FRMPD4: variants seen among roughly 807,000 people sequenced by gnomAD.
FRMPD4 encodes the protein FERM and PDZ domain containing 4, also known as FERM and PDZ domain-containing protein 4.
FRMPD4 carries 22 observed loss-of-function variants against 94.1 expected under a neutral mutation model. The ratio of observed to expected loss-of-function variants is 0.23; its 90% confidence interval spans 0.17 to 0.33. The LOEUF (loss-of-function observed/expected upper bound fraction) is 0.33. Ranked by LOEUF, FRMPD4 falls within the 10% of genes least tolerant of loss-of-function variation. The pLI, the probability that FRMPD4 is intolerant of heterozygous loss-of-function variation, is 1.00. For synonymous variants in FRMPD4, 631 were observed against 548.6 expected, an observed-to-expected ratio of 1.15 and a Z score of -2.10; for missense variants, 1,111 against 1,339.9, an observed-to-expected ratio of 0.83 and a Z score of 2.67.
intron 1 of FRMPD4, among the ~76,000 whole-genome samples, chrX:11,832,732 C>G (rs766771016): frequency 9.0e-6 from 1 of 111,665 alleles, no homozygotes; most frequent in Admixed American, 9.5e-5. Context: ...GTGGAAAGTA[C>G]AGAGTTCTCA....
At chrX:11,966,713 T>C (rs2054311677) in intron 3 of FRMPD4, among the ~76,000 whole-genome samples, 1 of 112,135 alleles carries the variant, frequency 8.9e-6, no homozygotes, top group African/African-American at 3.2e-5. Flanking sequence ...AAGTTGAATA[T>C]CATTTTCTTC....
intron 3 of FRMPD4, among the ~76,000 whole-genome samples, chrX:11,979,458 A>G (rs1342622817): frequency 8.9e-6 from 1 of 112,168 alleles, no homozygotes; most frequent in African/African-American, 3.2e-5. Flanking sequence ...TAACTAATTA[A>G]TGCCAAGTAG....
chrX:11,957,724 T>G (rs2054264371), intron 3 of FRMPD4, among the ~76,000 whole-genome samples: 1 of 111,777 alleles, frequency 8.9e-6, no homozygotes, highest in African/African-American at 3.3e-5. Flanking sequence ...ATTTTACAAC[T>G]CTACTATTTG....
At chrX:11,970,553 G>T (rs138140003) in intron 3 of FRMPD4, among the ~76,000 whole-genome samples, 2 of 111,823 alleles carry the variant, frequency 1.8e-5, no homozygotes, top group Non-Finnish European at 3.8e-5. Context: ...AATGCTCTAA[G>T]ACCAAGTGAG....
At chrX:12,098,477 G>T (rs955053445) in intron 3 of FRMPD4, among the ~76,000 whole-genome samples, 1 of 112,268 alleles carries the variant, frequency 8.9e-6, no homozygotes, top group African/African-American at 3.2e-5. Flanking sequence ...TGGCCTCGTG[G>T]TCAAATAAAG....
chrX:11,881,433 A>G (rs772967713), intron 3 of FRMPD4, among the ~76,000 whole-genome samples: 1 of 112,642 alleles, frequency 8.9e-6, no homozygotes, highest in Non-Finnish European at 1.9e-5. Flanking sequence ...TAAACAAACT[A>G]TGTTAAATCC....
chrX:12,231,029 A>ATATATATATATAAAATATATATATAT (rs1569199737), intron 1 of FRMPD4, among the ~76,000 whole-genome samples: 3 of 40,675 alleles, frequency 7.4e-5, no homozygotes, highest in African/African-American at 2.8e-4. Context: ...GTATATATAT[A>ATATATATATATAAAATATATATATAT]GTATATATAT....
intron 11 of FRMPD4, among the ~76,000 whole-genome samples, chrX:12,706,135 A>C (rs1003179608): frequency 9.1e-6 from 1 of 109,887 alleles, no homozygotes; most frequent in Non-Finnish European, 1.9e-5. Context: ...GGGATCCTAC[A>C]TTTTTAAGTC....
At chrX:11,950,639 C>T (rs1367563247) in intron 3 of FRMPD4, among the ~76,000 whole-genome samples, 1 of 111,793 alleles carries the variant, frequency 8.9e-6, no homozygotes, top group Non-Finnish European at 1.9e-5. Context: ...GCCATAAATT[C>T]ACCCTTTTAA....
intron 3 of FRMPD4, among the ~76,000 whole-genome samples, chrX:12,074,841 T>C (rs1949936): frequency 0.15 from 17,206 of 111,827 alleles, 1,440 homozygotes; most frequent in African/African-American, 0.31. Flanking sequence ...CTTAAAACAA[T>C]GTTCAGAGAT....
rs182495948 is a variant in FRMPD4, at chrX:12,596,746, C to T, written c.159-12975C>T. Among the ~76,000 whole-genome samples, 10 of 111,284 alleles carry T rather than the reference C, an allele frequency of 9.0e-5. No homozygotes were observed. In the East Asian group the frequency reaches 2.8e-3, roughly 31 times the overall value. ...TCAGGGTTGAGAATACAAACTTTAGCTTACTGCTACATAGTTTTCCAATGT... is the reference window on the plus strand; with the variant it reads ...TCAGGGTTGAGAATACAAACTTTAGTTTACTGCTACATAGTTTTCCAATGT... On this transcript the variant is annotated intron_variant, in intron 2 of 16. Coordinates refer to ENST00000675598, the MANE Select transcript of FRMPD4 (RefSeq NM_001368397.1).
chrX:11,946,478 G>A (rs747292335), intron 3 of FRMPD4, among the ~76,000 whole-genome samples: 24 of 111,289 alleles, frequency 2.2e-4, no homozygotes, highest in South Asian at 3.8e-4. Context: ...TTTAAGAGAC[G>A]GTTTGCACTT....
intron 3 of FRMPD4, among the ~76,000 whole-genome samples, chrX:12,062,746 T>C (rs1227595562): frequency 8.9e-6 from 1 of 111,863 alleles, no homozygotes; most frequent in Non-Finnish European, 1.9e-5. Context: ...TGGTTATTGG[T>C]GGTTATAGGG....
intron 3 of FRMPD4, among the ~76,000 whole-genome samples, chrX:12,096,572 C>A (rs1174639338): frequency 5.4e-5 from 6 of 111,985 alleles, no homozygotes; most frequent in Non-Finnish European, 1.9e-5. Flanking sequence ...AATTTTCCCT[C>A]CAGCTTGATC....
Position 12,716,308 on chromosome X carries a change from C to T in FRMPD4, c.1849C>T (p.Pro617Ser). The T allele has an allele frequency of 1.7e-6, 2 of 1,210,880 alleles. No homozygotes were observed. The highest frequency in any genetic ancestry group is 2.2e-6 in the Non-Finnish European group (2 of 894,678). ...GCAGCTGAGCCAGCCCGGGGAGGCC[C>T]CCTGTGAGGCAGACTACAGAAGTCT... Reference protein sequence around the residue: ...NQQLSQPGEAPCEADYRSLAQ... With the variant: ...NQQLSQPGEASCEADYRSLAQ... The change falls in exon 15 of 17, where the codon CCC becomes TCC. Residue 617 changes from proline to serine, a missense_variant. Physicochemically the swap from Pro to Ser is moderately conservative, Grantham distance 74 (BLOSUM62 -1). This residue lies in a region of FRMPD4 where 192 missense variants were observed against 192.5 expected (regional missense o/e 1.00). Transcript: ENST00000675598.
At chrX:12,432,871 G>A (rs771048806) in intron 1 of FRMPD4, among the ~76,000 whole-genome samples, 20 of 112,140 alleles carry the variant, frequency 1.8e-4, no homozygotes, top group African/African-American at 6.5e-4. Flanking sequence ...AAAGTGCTGG[G>A]ATTACAGGCA....
chrX:12,293,729 A>G (rs1212336597), intron 1 of FRMPD4, among the ~76,000 whole-genome samples: 1 of 112,511 alleles, frequency 8.9e-6, no homozygotes, highest in East Asian at 2.8e-4. Flanking sequence ...AAAGATTTCT[A>G]CTTTATTGTC....
intron 4 of FRMPD4, among the ~76,000 whole-genome samples, chrX:12,644,274 A>ACTG (rs2059527338): frequency 9.0e-6 from 1 of 111,084 alleles, no homozygotes; most frequent in African/African-American, 3.3e-5. Context: ...GTTTCACTGT[A>ACTG]TTGCCCAGGC....
chrX:12,682,440 G>A (rs4279776), intron 5 of FRMPD4, among the ~76,000 whole-genome samples: 19,253 of 111,505 alleles, frequency 0.17, 1,624 homozygotes, highest in East Asian at 0.71. Flanking sequence ...CATGGAAAAC[G>A]TTAGTTTGAA....
Sources: gnomAD v4.1 joint callset for allele counts (sites outside exome capture counted in the v4.1 genomes callset) on GRCh38, gnomAD v4.1.1 for gene constraint, gnomAD v4.1.1 regional missense constraint, MANE v1.5 for transcripts, NCBI Gene and HGNC (gene_info 2026-07-23, HGNC 2026-07-21) for gene names.